Variants in ABCF2 observed in about 807,000 individuals in gnomAD.
The protein encoded by ABCF2 is ATP-binding cassette sub-family F member 2.
A neutral mutation model predicts 76.9 loss-of-function variants in ABCF2; 37 were observed. The observed-to-expected ratio is 0.48, with a 90% CI of 0.37 to 0.63. ABCF2 has a LOEUF of 0.63. Among genes scored for constraint, ABCF2 ranks in the 30% least tolerant of loss-of-function variants. ABCF2 has a pLI of 0.00. For missense variants in ABCF2, 524 were observed against 782.1 expected (o/e 0.67, Z 3.94); for synonymous variants, 299 against 283.7 (o/e 1.05, Z -0.54).
chr7:151,212,584 C>T lies in ABCF2; in HGVS notation c.*1470G>A. ...CACGCTCTGCTCACTGCAGCCTCAA[C>T]CTCCTGGGCTCAAGTGAGCCTCCTC... On this transcript the variant is annotated 3_prime_UTR_variant, in exon 15 of 15. Coordinates refer to ENST00000287844, the MANE Select transcript of ABCF2 (RefSeq NM_007189.3). 2.6e-6 allele frequency: 2 copies of T among 782,468 alleles called. No individual in the cohort carries two copies. Among genetic ancestry groups the T allele is most frequent in the Non-Finnish European group, 3.1e-6 (2 of 644,742 alleles). 48.5% of individuals were successfully genotyped at this position (782,468 alleles called of 1,614,324 possible). A position where few individuals can be genotyped will look rare whatever the true frequency, so the allele number is the denominator to read the frequency against.
intron 11 of ABCF2, among the ~76,000 whole-genome samples, chr7:151,216,810 G>C (rs1405564593): frequency 6.6e-6 from 1 of 152,074 alleles, no homozygotes; most frequent in Non-Finnish European, 1.5e-5. Flanking sequence ...CACGGCACCT[G>C]GCCAAAAAAC....
At chr7:151,224,239 C>T in intron 3 of ABCF2, 125 bp from the exon 4 acceptor site, 1 of 886,000 alleles carries the variant, frequency 1.1e-6, no homozygotes, top group Non-Finnish European at 1.7e-6. Context: ...CCTTTCTTCC[C>T]TTCATTCGTT....
chr7:151,215,819 G>C lies in ABCF2; in HGVS notation c.1402-87C>G. 6.2e-7 allele frequency: 1 copy of C among 1,602,486 alleles called. No homozygotes were observed. The highest frequency in any genetic ancestry group is 8.5e-7 in the Non-Finnish European group (1 of 1,172,232). ...TAGGTAACTTCCTATTTCTATCCCA[G>C]GCACCTGTTCTGGGTTCAAGAAGCA... On this transcript the variant is annotated intron_variant, in intron 12 of 14. Coordinates refer to ENST00000287844, the MANE Select transcript of ABCF2 (RefSeq NM_007189.3). This position sits in a 1 kb window ranked among gnomAD's most constrained non-coding sequence, Gnocchi z 4.6.
At position 151,213,935 on chromosome 7, in the gene ABCF2, G is replaced by A. The variant is rs1802099605; in HGVS notation, c.*119C>T. The A allele has an allele frequency of 1.3e-6, 2 of 1,508,730 alleles. No individual in the cohort carries two copies. The highest frequency in any genetic ancestry group is 1.8e-6 in the Non-Finnish European group (2 of 1,137,344). 93.5% of individuals were successfully genotyped at this position (1,508,730 alleles called of 1,614,324 possible). A position where few individuals can be genotyped will look rare whatever the true frequency, so the allele number is the denominator to read the frequency against. ...AGGTTGAGGGGCAGGGGAGAGGCTG[G>A]GGGAGCAGTATTGCAGCAATGCAGG... is the stretch of plus-strand genomic sequence containing the variant. On this transcript the variant is annotated 3_prime_UTR_variant, in exon 15 of 15. Coordinates refer to ENST00000287844, the MANE Select transcript of ABCF2 (RefSeq NM_007189.3).
At chr7:151,223,572 T>G (rs1041903290) in intron 5 of ABCF2, 106 bp downstream of exon 5, 2 of 1,318,150 alleles carry the variant, frequency 1.5e-6, no homozygotes, top group South Asian at 1.5e-5. Context: ...CATGTCTCAT[T>G]TGACACTTAC....
intron 7 of ABCF2, 43 bp downstream of exon 7, chr7:151,221,535 T>A (rs374805336): frequency 8.4e-6 from 10 of 1,183,878 alleles, no homozygotes; most frequent in Non-Finnish European, 1.2e-5. Flanking sequence ...TTCAGAGAAT[T>A]GGTATGCACA....
At chr7:151,219,282 G>T in intron 7 of ABCF2, 123 bp from the exon 8 acceptor site, 1 of 804,612 alleles carries the variant, frequency 1.2e-6, no homozygotes, top group Non-Finnish European at 2.2e-6. Flanking sequence ...AGGCTGTGCA[G>T]TAAGAAGAGA....
chr7:151,218,131 C>T lies in ABCF2; in HGVS notation c.1288G>A (p.Gly430Arg). The T allele has an allele frequency of 6.2e-7, 1 of 1,614,186 alleles. No homozygotes were observed. The highest frequency in any genetic ancestry group is 8.5e-7 in the Non-Finnish European group (1 of 1,180,014). The change falls in exon 11 of 15, where the codon GGG becomes AGG. Residue 430 changes from glycine to arginine, a missense_variant. Around this residue, in one of 2 missense-constraint regions of ABCF2, gnomAD observed 194 missense variants for 348.6 expected, o/e 0.56. Coordinates refer to ENST00000287844, the MANE Select transcript of ABCF2 (RefSeq NM_007189.3). ...GTTGACTTCCCTGCTCCATTGGGCC[C>T]TACCAGAGCCACTCGTGTGTCAAGG... The part of the protein sequence containing the change: ...IDLDTRVALV[G>R]PNGAGKSTLL...
chr7:151,224,076 C>T lies in ABCF2; in HGVS notation c.406G>A (p.Val136Met). Residue 136 changes from valine to methionine, a missense_variant, in exon 4 of 15, where the codon GTG becomes ATG. Physicochemically the swap from Val to Met is conservative, Grantham distance 21. Around this residue, in one of 2 missense-constraint regions of ABCF2, gnomAD observed 330 missense variants for 433.6 expected, o/e 0.76. Transcript: ENST00000287844. ...ATGTCGATGTGCTCAGGGATGGGCA[C>T]TTCACGCTTCCCAATAGCAGAGAGC... ...MLLSAIGKRE[V>M]PIPEHIDIYH... 6.2e-7 allele frequency: 1 copy of T among 1,614,204 alleles called. No homozygotes were observed. The highest frequency in any genetic ancestry group is 8.5e-7 in the Non-Finnish European group (1 of 1,180,022).
chr7:151,226,259 A>C (rs373363044), intron 2 of ABCF2, 46 bp downstream of exon 2: 2 of 1,593,362 alleles, frequency 1.3e-6, no homozygotes, highest in Middle Eastern at 1.7e-4. Flanking sequence ...TGGGGCATGC[A>C]TTAAGTCTTA....
At chr7:151,217,778 C>T (rs1273425773) in intron 11 of ABCF2, among the ~76,000 whole-genome samples, 1 of 150,040 alleles carries the variant, frequency 6.7e-6, no homozygotes, top group Non-Finnish European at 1.5e-5. Flanking sequence ...GGCAACAGAG[C>T]GAGACTCCAC....
Position 151,214,765 on chromosome 7 carries a change from G to A in ABCF2, c.1734+114C>T. 3.0e-6 allele frequency: 3 copies of A among 1,007,702 alleles called. No homozygotes were observed. The highest frequency in any genetic ancestry group is 1.9e-5 in the Admixed American group (1 of 51,592). 62.4% of individuals were successfully genotyped at this position (1,007,702 alleles called of 1,614,324 possible). A position where few individuals can be genotyped will look rare whatever the true frequency, so the allele number is the denominator to read the frequency against. On this transcript the variant is annotated intron_variant, in intron 14 of 14. Transcript: ENST00000287844. The surrounding 1 kb of genome is among the most constrained non-coding windows in gnomAD (Gnocchi z 4.9). ...TCCTCACCACCTGTGTCTACACTCT[G>A]AGCCCCTTCTCTTAATTCAGTAGGC...
chr7:151,213,445 G>A lies in ABCF2; in HGVS notation c.*609C>T. 2 of 985,494 alleles carry A rather than the reference G, an allele frequency of 2.0e-6. No homozygotes were observed. Among genetic ancestry groups the A allele is most frequent in the African/African-American group, 3.5e-5 (2 of 57,348 alleles). The allele number at this position is 985,494 out of a possible 1,614,324, so 61.0% of individuals were successfully genotyped here. The stretch of plus-strand genomic sequence containing the variant: ...ACGCTGGATCCAGCTCCTGCTGTGG[G>A]CAGTGCATGTTGGCACTGCAGGGAG... On this transcript the variant is annotated 3_prime_UTR_variant, in exon 15 of 15. Transcript: ENST00000287844.
intron 1 of ABCF2, 83 bp downstream of exon 1, chr7:151,227,080 C>T (rs1802389361): frequency 6.6e-6 from 1 of 151,852 alleles, no homozygotes; most frequent in Non-Finnish European, 1.5e-5. Context: ...CCATCCAAAC[C>T]CCGTCCCTGC....
chr7:151,213,002 G>T lies in ABCF2; in HGVS notation c.*1052C>A. ...TGGTCTTGAACTCCTGAGCTCAAGT[G>T]ATCCACCTGCCTCAGCCTCCCAAAG... On this transcript the variant is annotated 3_prime_UTR_variant, in exon 15 of 15. Transcript: ENST00000287844. 1 of 908,502 alleles carries T rather than the reference G, an allele frequency of 1.1e-6. No individual in the cohort carries two copies. Among genetic ancestry groups the T allele is most frequent in the Non-Finnish European group, 1.3e-6 (1 of 759,890 alleles). 56.3% of individuals were successfully genotyped at this position (908,502 alleles called of 1,614,324 possible).
At chr7:151,222,688 C>A (rs1802295326) in intron 5 of ABCF2, 72 bp from the exon 6 acceptor site, 1 of 1,288,684 alleles carries the variant, frequency 7.8e-7, no homozygotes, top group Non-Finnish European at 1.1e-6. Flanking sequence ...GACAAACTTG[C>A]CTGCTACATG....
chr7:151,221,202 C>CTTTT lies in ABCF2; in HGVS notation c.921+372_921+375dup, dbSNP rs57035639. 4.5e-3 allele frequency among the ~76,000 whole-genome samples: 637 copies of CTTTT among 140,560 alleles called. 3 individuals carry two copies. The highest frequency in any genetic ancestry group is 0.015 in the African/African-American group (572 of 38,426). The allele number at this position is 140,560 out of a possible 152,430, so 92.2% of individuals were successfully genotyped here. A position where few individuals can be genotyped will look rare whatever the true frequency, so the allele number is the denominator to read the frequency against. ...AGAAAGGAGCTAATAGATAGGTCTG[C>CTTTT]TTTTTTTTTTTTTTTGAGATGGAGT... On this transcript the variant is annotated intron_variant, in intron 7 of 14. Coordinates refer to ENST00000287844, the MANE Select transcript of ABCF2 (RefSeq NM_007189.3).
intron 8 of ABCF2, 32 bp from the exon 9 acceptor site, chr7:151,218,905 T>A (rs1448606672): frequency 6.2e-7 from 1 of 1,611,928 alleles, no homozygotes. Flanking sequence ...TTGGAGTATG[T>A]GCAGGCGCTC....
chr7:151,224,408 C>T (rs1472090417), intron 3 of ABCF2, among the ~76,000 whole-genome samples: 3 of 152,132 alleles, frequency 2.0e-5, no homozygotes, highest in East Asian at 1.9e-4. Context: ...ACAGGGTGGA[C>T]GCACCCTAAT....
Sources: allele counts gnomAD v4.1 joint callset (sites outside exome capture counted in the v4.1 genomes callset), GRCh38; gene constraint gnomAD v4.1.1; regional missense constraint gnomAD v4.1.1; non-coding constraint Gnocchi (gnomAD v3.1); transcripts MANE v1.5; gene names NCBI Gene and HGNC (gene_info 2026-07-23, HGNC 2026-07-21).